The following SLC20A2 variants were observed in gnomAD, a reference collection of about 807,000 sequenced individuals.
SLC20A2 encodes the protein solute carrier family 20 member 2.
In SLC20A2, 30 loss-of-function variants were observed where a neutral mutation model predicts 61.0. That is an observed-to-expected ratio of 0.49 (90% confidence interval 0.37 to 0.67). The LOEUF (loss-of-function observed/expected upper bound fraction) is 0.67. Among genes scored for constraint, SLC20A2 ranks in the 30% least tolerant of loss-of-function variants. The pLI, the probability that SLC20A2 is intolerant of heterozygous loss-of-function variation, is 0.00. For synonymous variants in SLC20A2, 351 were observed against 353.3 expected (o/e 0.99, Z 0.07); for missense variants, 626 against 866.4 (o/e 0.72, Z 3.48).
At chr8:42,531,160 A>T (rs1812294574) in intron 1 of SLC20A2, among the ~76,000 whole-genome samples, 1 of 152,220 alleles carries the variant, frequency 6.6e-6, no homozygotes, top group Non-Finnish European at 1.5e-5. Flanking sequence ...ACCATACCTT[A>T]TTCATCTCTA....
chr8:42,481,562 GC>G, intron 1 of SLC20A2, among the ~76,000 whole-genome samples: 1 of 152,064 alleles, frequency 6.6e-6, no homozygotes, highest in East Asian at 1.9e-4. Flanking sequence ...ATGCTGCCGG[GC>G]TCTCACCCTT....
intron 1 of SLC20A2, among the ~76,000 whole-genome samples, chr8:42,513,070 G>GA (rs1282857923): frequency 6.6e-6 from 1 of 152,094 alleles, no homozygotes; most frequent in African/African-American, 2.4e-5. Flanking sequence ...CCTAGGCACT[G>GA]AAAAAACAGG....
upstream of SLC20A2, among the ~76,000 whole-genome samples, chr8:42,503,583 T>C (rs1810452657): frequency 6.6e-6 from 1 of 152,232 alleles, no homozygotes; most frequent in Admixed American, 6.5e-5. Context: ...ATCCAAGATA[T>C]GATCATTTTA....
intron 10 of SLC20A2, among the ~76,000 whole-genome samples, chr8:42,422,670 T>C (rs1043633705): frequency 3.3e-5 from 5 of 152,184 alleles, no homozygotes; most frequent in African/African-American, 7.2e-5. Flanking sequence ...ACAATTATTT[T>C]TGGAGAACTC....
At chr8:42,447,736 T>A (rs1364345511) in intron 5 of SLC20A2, among the ~76,000 whole-genome samples, 1 of 152,204 alleles carries the variant, frequency 6.6e-6, no homozygotes, top group Non-Finnish European at 1.5e-5. Context: ...AATAGGTAGT[T>A]AATACTATAT....
chr8:42,493,021 G>A (rs962046553), intron 1 of SLC20A2, among the ~76,000 whole-genome samples: 10 of 152,240 alleles, frequency 6.6e-5, no homozygotes, highest in African/African-American at 2.4e-4. Context: ...CCTGTTGAAA[G>A]CAGATTCAAT....
chr8:42,510,686 G>A (rs955359375), intron 1 of SLC20A2, among the ~76,000 whole-genome samples: 1 of 151,878 alleles, frequency 6.6e-6, no homozygotes, highest in Non-Finnish European at 1.5e-5. Context: ...ATATTCCTGG[G>A]TTCAGTCAAA....
intron 5 of SLC20A2, among the ~76,000 whole-genome samples, chr8:42,455,257 T>TAGAGAGAGAGAGAGAGAGAGAG (rs71548583): frequency 2.5e-5 from 2 of 81,622 alleles, no homozygotes; most frequent in African/African-American, 8.8e-5. Context: ...TATATATATA[T>TAGAGAGAGAGAGAGAGAGAGAG]AGAGAGAGAG....
intron 1 of SLC20A2, among the ~76,000 whole-genome samples, chr8:42,506,368 G>A (rs1586229719): frequency 6.6e-6 from 1 of 152,234 alleles, no homozygotes; most frequent in African/African-American, 2.4e-5. Context: ...TTCCTCGCCT[G>A]TAAAATGGGG....
chr8:42,527,539 G>A (rs1362905467), intron 1 of SLC20A2, among the ~76,000 whole-genome samples: 3 of 151,972 alleles, frequency 2.0e-5, no homozygotes, highest in Admixed American at 6.6e-5. Flanking sequence ...GCACTTTGGG[G>A]GGCTGAGGAG....
At chr8:42,518,043 C>T (rs943075249) in intron 1 of SLC20A2, among the ~76,000 whole-genome samples, 4 of 152,178 alleles carry the variant, frequency 2.6e-5, no homozygotes, top group African/African-American at 4.8e-5. Context: ...CAGGTTCAAG[C>T]GATTCTCCTG....
At chr8:42,425,992 C>T (rs1291236831) in intron 10 of SLC20A2, among the ~76,000 whole-genome samples, 3 of 151,828 alleles carry the variant, frequency 2.0e-5, no homozygotes, top group East Asian at 3.9e-4. Flanking sequence ...GTGGAGATGG[C>T]GCCACTGCAC....
intron 4 of SLC20A2, 75 bp from the exon 5 acceptor site, chr8:42,460,067 A>C: frequency 1.2e-6 from 1 of 814,210 alleles, no homozygotes; most frequent in Non-Finnish European, 2.1e-6. Context: ...ACAAAATGAT[A>C]CAAAATACTG....
At chr8:42,504,087 G>A (rs772154933), upstream of SLC20A2, among the ~76,000 whole-genome samples, 8 of 152,002 alleles carry the variant, frequency 5.3e-5, no homozygotes, top group Non-Finnish European at 1.0e-4. Context: ...CTACAGGCAC[G>A]TGCCAGCACA....
At chr8:42,490,453 C>T (rs1447463906) in intron 1 of SLC20A2, among the ~76,000 whole-genome samples, 1 of 152,016 alleles carries the variant, frequency 6.6e-6, no homozygotes, top group African/African-American at 2.4e-5. Flanking sequence ...AAAAATTAGC[C>T]GGACATGGTG....
intron 1 of SLC20A2, among the ~76,000 whole-genome samples, chr8:42,498,634 G>A (rs1455242294): frequency 2.0e-5 from 3 of 152,090 alleles, no homozygotes; most frequent in Non-Finnish European, 2.9e-5. Context: ...CCTCCTGAGG[G>A]CCATATCCCA....
Position 42,472,045 on chromosome 8 carries a change from G to T in SLC20A2, c.289+57C>A. 2.0e-6 allele frequency: 3 copies of T among 1,511,780 alleles called. No homozygotes were observed. Among genetic ancestry groups the T allele is most frequent in the Non-Finnish European group, 1.8e-6 (2 of 1,095,434 alleles). The allele number at this position is 1,511,780 out of a possible 1,614,324, so 93.6% of individuals were successfully genotyped here. A position where few individuals can be genotyped will look rare whatever the true frequency, so the allele number is the denominator to read the frequency against. ...CATTTATGGATATGGGCAAAGTACT[G>T]CAGGGAAGCGGGTCAGTGGGCGGAT... On this transcript the variant is annotated intron_variant, in intron 2 of 10. Coordinates refer to ENST00000520262, the MANE Select transcript of SLC20A2 (RefSeq NM_001257180.2). The surrounding 1 kb of genome is among the most constrained non-coding windows in gnomAD (Gnocchi z 4.1).
chr8:42,452,165 A>AGGAGGAGGAAGAGAT (rs1202216878), intron 5 of SLC20A2, among the ~76,000 whole-genome samples: 27 of 134,012 alleles, frequency 2.0e-4, no homozygotes, highest in African/African-American at 7.8e-4. Flanking sequence ...GAAGAGATGG[A>AGGAGGAGGAAGAGAT]GGAGGAGGAG....
At chr8:42,528,881 G>A (rs922510726) in intron 1 of SLC20A2, among the ~76,000 whole-genome samples, 1 of 151,972 alleles carries the variant, frequency 6.6e-6, no homozygotes, top group Non-Finnish European at 1.5e-5. Flanking sequence ...TGGTCAGGCT[G>A]GTCTCGAACT....
Sources: allele counts gnomAD v4.1 joint callset (sites outside exome capture counted in the v4.1 genomes callset), GRCh38; gene constraint gnomAD v4.1.1; non-coding constraint Gnocchi (gnomAD v3.1); transcripts MANE v1.5; gene names NCBI Gene and HGNC (gene_info 2026-07-23, HGNC 2026-07-21).